Variants in MALRD1 observed in about 807,000 individuals in gnomAD.
MALRD1 encodes the protein MAM and LDL-receptor class A domain-containing protein 1.
In MALRD1, 247 loss-of-function variants were observed where a neutral mutation model predicts 242.1. The observed-to-expected ratio is 1.02, with a 90% CI of 0.92 to 1.13. The LOEUF (loss-of-function observed/expected upper bound fraction) is 1.13. Ranked by LOEUF, MALRD1 falls within the 50% of genes most tolerant of loss-of-function variation. The pLI is 0.00. For missense variants in MALRD1, 2,989 were observed against 2,533.1 expected (o/e 1.18, Z -3.86); for synonymous variants, 995 against 866.6 (o/e 1.15, Z -2.60).
intron 21 of MALRD1, among the ~76,000 whole-genome samples, chr10:19,283,594 C>T (rs1258939493): frequency 6.6e-6 from 1 of 151,930 alleles, no homozygotes. Context: ...CCCTTTCTGT[C>T]TTCCTACTTT....
At chr10:19,382,279 G>T (rs1401828213) in intron 26 of MALRD1, among the ~76,000 whole-genome samples, 12 of 152,050 alleles carry the variant, frequency 7.9e-5, no homozygotes, top group Admixed American at 6.6e-4. Flanking sequence ...CAACAGGCCT[G>T]ATCTACTTGT....
At chr10:19,726,986 G>T (rs533095409) in intron 38 of MALRD1, among the ~76,000 whole-genome samples, 1 of 152,274 alleles carries the variant, frequency 6.6e-6, no homozygotes, top group East Asian at 1.9e-4. Context: ...CTTCAGTTCA[G>T]AGTTATAAAA....
chr10:19,067,114 C>G (rs1835005004), intron 2 of MALRD1, among the ~76,000 whole-genome samples: 1 of 152,034 alleles, frequency 6.6e-6, no homozygotes, highest in Non-Finnish European at 1.5e-5. Flanking sequence ...CCTTGGATTC[C>G]AATAGGTCTG....
intron 28 of MALRD1, among the ~76,000 whole-genome samples, chr10:19,437,859 T>C (rs75115709): frequency 0.013 from 1,977 of 152,218 alleles, 29 homozygotes; most frequent in Admixed American, 0.027. Flanking sequence ...TATTATTCAT[T>C]TAAGCTTTTT....
chr10:19,482,652 TACACACACACACACAC>T (rs144094060), intron 29 of MALRD1, among the ~76,000 whole-genome samples: 10 of 136,354 alleles, frequency 7.3e-5, no homozygotes, highest in Admixed American at 5.2e-4. Flanking sequence ...TTACAATAGC[TACACACACACACACAC>T]ACACACACAC....
intron 14 of MALRD1, among the ~76,000 whole-genome samples, chr10:19,185,828 TG>T (rs1286339448): frequency 6.6e-6 from 1 of 151,864 alleles, no homozygotes; most frequent in African/African-American, 2.4e-5. Context: ...TGTGTGTGTG[TG>T]TGTGTGTGTG....
chr10:19,426,108 C>T (rs546319862), intron 28 of MALRD1, among the ~76,000 whole-genome samples: 9 of 152,084 alleles, frequency 5.9e-5, no homozygotes, highest in African/African-American at 2.2e-4. Flanking sequence ...GAATATATAT[C>T]AGCAAAATGT....
chr10:19,553,111 A>G (rs1835562445), intron 32 of MALRD1, among the ~76,000 whole-genome samples: 1 of 151,998 alleles, frequency 6.6e-6, no homozygotes, highest in South Asian at 2.1e-4. Context: ...TTATATATGC[A>G]CTCGTGTTCA....
rs58034381 is a variant in MALRD1, at chr10:19,163,137, TAAAAAAAAAAAA to T, written c.1657-2483_1657-2472del. Among the ~76,000 whole-genome samples, 248 of 43,856 alleles carry T rather than the reference TAAAAAAAAAAAA, an allele frequency of 5.7e-3. 9 individuals are homozygous for T. Among genetic ancestry groups the T allele is most frequent in the South Asian group, 0.014 (8 of 566 alleles). The allele number at this position is 43,856 out of a possible 152,430, so 28.8% of individuals were successfully genotyped here. On this transcript the variant is annotated intron_variant, in intron 12 of 39. Transcript: ENST00000454679. ...TGAACAACTGGAGTGAAACCCTGTC[TAAAAAAAAAAAA>T]AAAAAAAAAAAAAAAAGACATCATT...
chr10:19,584,048 T>A (rs1837267796), intron 33 of MALRD1, among the ~76,000 whole-genome samples: 1 of 150,898 alleles, frequency 6.6e-6, no homozygotes, highest in South Asian at 2.1e-4. Flanking sequence ...GTAGTTTTTA[T>A]ATCTGTGGGA....
intron 2 of MALRD1, among the ~76,000 whole-genome samples, chr10:19,076,547 C>T: frequency 6.6e-6 from 1 of 151,920 alleles, no homozygotes; most frequent in Non-Finnish European, 1.5e-5. Flanking sequence ...ATTGAAAAGT[C>T]TACACTTTCC....
intron 12 of MALRD1, among the ~76,000 whole-genome samples, chr10:19,165,156 G>A (rs945063713): frequency 3.3e-5 from 5 of 149,862 alleles, no homozygotes; most frequent in African/African-American, 1.2e-4. Flanking sequence ...AACTTCCATG[G>A]AAACAGTGGT....
chr10:19,259,478 C>T (rs1034681349), intron 19 of MALRD1, among the ~76,000 whole-genome samples: 1 of 152,166 alleles, frequency 6.6e-6, no homozygotes, highest in Non-Finnish European at 1.5e-5. Context: ...TCAAGTCTTA[C>T]AAGTTATAGG....
intron 28 of MALRD1, among the ~76,000 whole-genome samples, chr10:19,442,989 A>G (rs1279787703): frequency 2.0e-5 from 3 of 152,136 alleles, no homozygotes; most frequent in Admixed American, 2.0e-4. Flanking sequence ...TATTGCCTCA[A>G]TTTCAGAGCC....
intron 21 of MALRD1, among the ~76,000 whole-genome samples, chr10:19,303,970 A>G (rs1238035261): frequency 1.3e-5 from 2 of 151,742 alleles, no homozygotes; most frequent in African/African-American, 4.8e-5. Flanking sequence ...AAAAGCATAC[A>G]TGATCCTTAA....
intron 4 of MALRD1, among the ~76,000 whole-genome samples, chr10:19,099,947 G>A (rs955745745): frequency 2.0e-5 from 3 of 151,946 alleles, no homozygotes; most frequent in African/African-American, 7.3e-5. Flanking sequence ...TTTTAATTGA[G>A]ATGGGGTTTC....
chr10:19,668,691 G>A (rs565355020), intron 36 of MALRD1, among the ~76,000 whole-genome samples: 3 of 152,026 alleles, frequency 2.0e-5, no homozygotes, highest in East Asian at 1.9e-4. Context: ...AGGAAAAAAG[G>A]GATTTAGGAA....
At chr10:19,432,377 C>G (rs550685936) in intron 28 of MALRD1, among the ~76,000 whole-genome samples, 1 of 152,254 alleles carries the variant, frequency 6.6e-6, no homozygotes, top group South Asian at 2.1e-4. Context: ...GCAATTTAAA[C>G]TAATTAAGAT....
At chr10:19,574,588 C>A (rs767396827) in intron 33 of MALRD1, among the ~76,000 whole-genome samples, 19 of 152,278 alleles carry the variant, frequency 1.2e-4, no homozygotes, top group Middle Eastern at 6.8e-3. Context: ...GAAAGAGAAC[C>A]ACTGGAATGA....
Sources: gnomAD v4.1 joint callset for allele counts (sites outside exome capture counted in the v4.1 genomes callset) on GRCh38, gnomAD v4.1.1 for gene constraint, MANE v1.5 for transcripts, NCBI Gene and HGNC (gene_info 2026-07-23, HGNC 2026-07-21) for gene names.